The following ZNF415 variants were observed in gnomAD, a reference collection of about 807,000 sequenced individuals.
The protein encoded by ZNF415 is zinc finger protein 415.
In ZNF415, 5 loss-of-function variants were observed where a neutral mutation model predicts 7.3. The observed-to-expected ratio is 0.69, with a 90% CI of 0.36 to 1.44. The LOEUF is 1.44. Ranked by LOEUF, ZNF415 falls within the 40% of genes most tolerant of loss-of-function variation. ZNF415 has a pLI of 0.04. For missense variants in ZNF415, 628 were observed against 664.8 expected (o/e 0.94, Z 0.61); for synonymous variants, 207 against 226.3 (o/e 0.91, Z 0.77).
rs150603178 is a variant in ZNF415 at position 53,108,484 on chromosome 19, T to C, written c.1561A>G (p.Lys521Glu). The C allele has an allele frequency of 1.2e-6, 2 of 1,613,954 alleles. No individual in the cohort carries two copies. Among genetic ancestry groups the C allele is most frequent in the South Asian group, 2.2e-5 (2 of 91,060 alleles). The change falls in exon 4 of 4, where the codon AAG (lysine) becomes GAG (glutamate). Residue 521 changes from lysine to glutamate, a missense_variant. By Grantham distance (56) the Lys-to-Glu change is moderately conservative. Transcript: ENST00000243643. Reference sequence around the variant, plus strand: ...CAATCACTACATTTGTAAGGTTTCTTTCCAGTATGGATTATCTGATGTCTA... The same window carrying C: ...CAATCACTACATTTGTAAGGTTTCTCTCCAGTATGGATTATCTGATGTCTA... The part of the protein sequence containing the change: ...LTRHQIIHTG[K>E]KPYKCSDCGK...
At position 53,120,600 on chromosome 19, in the gene ZNF415, G is replaced by A. The variant is rs555500958; in HGVS notation, c.15+2062C>T. Among the ~76,000 whole-genome samples, 293 of 152,188 alleles carry A rather than the reference G, an allele frequency of 1.9e-3. 2 individuals carry two copies. Among genetic ancestry groups the A allele is most frequent in the African/African-American group, 6.7e-3 (277 of 41,538 alleles). On this transcript the variant is annotated intron_variant, in intron 2 of 3. Transcript: ENST00000243643. ...AAAACAAATATATACATCATGTGAT[G>A]TTTAAAATAAAAGCAGCATAATACT...
At chr19:53,122,083 T>C (rs199633609) in intron 2 of ZNF415, among the ~76,000 whole-genome samples, 1 of 151,648 alleles carries the variant, frequency 6.6e-6, no homozygotes, top group Non-Finnish European at 1.5e-5. Flanking sequence ...CCCGTCTCTA[T>C]TAAAAATACA....
chr19:53,128,832 A>G (rs2146668971), intron 1 of ZNF415, among the ~76,000 whole-genome samples: 1 of 108,334 alleles, frequency 9.2e-6, no homozygotes, highest in East Asian at 2.3e-4. Context: ...AGGAGTCTTC[A>G]GCCCAACCCC....
chr19:53,131,230 C>T (rs1187432759), intron 1 of ZNF415, among the ~76,000 whole-genome samples: 1 of 151,946 alleles, frequency 6.6e-6, no homozygotes. Context: ...CTTTCACTTT[C>T]TGCCCAGCTT....
At chr19:53,115,600 A>C in intron 3 of ZNF415, 1 of 869,008 alleles carries the variant, frequency 1.2e-6, no homozygotes, top group East Asian at 2.7e-5. Context: ...CTAAGAGCTC[A>C]CAGGATATAA....
chr19:53,130,388 T>C (rs941980443), intron 1 of ZNF415, among the ~76,000 whole-genome samples: 6 of 152,164 alleles, frequency 3.9e-5, no homozygotes, highest in Admixed American at 2.0e-4. Context: ...CTGGACACAA[T>C]TAATTTCAAA....
chr19:53,120,468 T>C (rs986954786), intron 2 of ZNF415, among the ~76,000 whole-genome samples: 1 of 152,178 alleles, frequency 6.6e-6, no homozygotes. Flanking sequence ...CTCACAGAAC[T>C]GACAATAGTG....
In ZNF415 at chr19:53,109,138, A is replaced by T; in HGVS notation, c.907T>A (p.Tyr303Asn). The T allele has an allele frequency of 6.2e-7, 1 of 1,613,600 alleles. No homozygotes were observed. Among genetic ancestry groups the T allele is most frequent in the Non-Finnish European group, 8.5e-7 (1 of 1,179,896 alleles). Residue 303 changes from tyrosine (Y) to asparagine (N), a missense_variant, in exon 4 of 4, where the codon TAT becomes AAT. By Grantham distance (143) the Tyr-to-Asn change is moderately radical. Transcript: ENST00000243643. ...CGACTGAAGACCTTGTCACACTCAT[A>T]ACATTTGTAAGGTTTCTCTCCAGTG... ...VHTGEKPYKC[Y>N]ECDKVFSRNS... is the part of the protein sequence containing the mutation.
chr19:53,110,041 T>C, intron 3 of ZNF415, 133 bp from the exon 4 acceptor site: 1 of 686,184 alleles, frequency 1.5e-6, no homozygotes, highest in East Asian at 3.1e-5. Flanking sequence ...ATCATGATCT[T>C]TAATTTTTAC....
intron 2 of ZNF415, 90 bp from the exon 3 acceptor site, chr19:53,116,523 T>G (rs544230741): frequency 2.5e-5 from 38 of 1,538,764 alleles, no homozygotes; most frequent in Middle Eastern, 3.4e-4. Flanking sequence ...AGAATTTAAG[T>G]ATAGATTTAA....
chr19:53,117,909 C>T (rs2146385829), intron 2 of ZNF415, among the ~76,000 whole-genome samples: 1 of 152,226 alleles, frequency 6.6e-6, no homozygotes, highest in Middle Eastern at 3.4e-3. Context: ...AGCAAACATA[C>T]AAAACAACCA....
chr19:53,109,595 CAG>C lies in ZNF415; in HGVS notation c.448_449del (p.Leu150AlafsTer6). The C allele has an allele frequency of 6.2e-7, 1 of 1,614,118 alleles. No homozygotes were observed. Among genetic ancestry groups the C allele is most frequent in the Non-Finnish European group, 8.5e-7 (1 of 1,180,012 alleles). ...GLSFLPHPHE[L>X]QQFQAEGKIY... ...TTTTCCCTTCAGCTTGAAACTGCTG[CAG>C]TTCATGGGGATGTGGTAGAAAGCTT... On this transcript the variant is annotated frameshift_variant, in exon 4 of 4. Coordinates refer to ENST00000243643, the MANE Select transcript of ZNF415 (RefSeq NM_018355.4). LOFTEE classifies it low-confidence loss of function (END_TRUNC).
intron 1 of ZNF415, chr19:53,123,795 T>G: frequency 2.6e-6 from 1 of 383,094 alleles, no homozygotes; most frequent in Non-Finnish European, 4.6e-6. Context: ...CCACTTACAA[T>G]GTAAAATCTT....
chr19:53,128,850 G>A (rs1302370622), intron 1 of ZNF415, among the ~76,000 whole-genome samples: 1 of 111,192 alleles, frequency 9.0e-6, no homozygotes, highest in Admixed American at 9.2e-5. Flanking sequence ...CCCAGCCCCA[G>A]CATCTGAACC....
At chr19:53,126,276 T>C (rs1214622431) in intron 1 of ZNF415, among the ~76,000 whole-genome samples, 1 of 151,022 alleles carries the variant, frequency 6.6e-6, no homozygotes, top group Non-Finnish European at 1.5e-5. Context: ...CAAGCGCAAG[T>C]CCACCCAGAA....
In ZNF415 at chr19:53,116,403, A is replaced by T; in HGVS notation, c.46T>A (p.Ser16Thr). The T allele has an allele frequency of 6.2e-7, 1 of 1,614,178 alleles. No homozygotes were observed. Among genetic ancestry groups the T allele is most frequent in the Non-Finnish European group, 8.5e-7 (1 of 1,180,006 alleles). Reference sequence around the variant, plus strand: ...TTCAGGCATTTCCACTCATCTTGAGAGAATTCGATGGCCACGTCCCTGAAT... The same window carrying T: ...TTCAGGCATTTCCACTCATCTTGAGTGAATTCGATGGCCACGTCCCTGAAT... ...LTFRDVAIEF[S>T]QDEWKCLNST... The change falls in exon 3 of 4, where the codon TCT (serine) becomes ACT (threonine). Residue 16 changes from serine (S) to threonine (T), a missense_variant. Ser to Thr is a moderately conservative substitution (Grantham distance 58, BLOSUM62 1). Transcript: ENST00000243643.
intron 2 of ZNF415, among the ~76,000 whole-genome samples, chr19:53,118,009 T>C (rs1303097622): frequency 1.3e-5 from 2 of 152,230 alleles, no homozygotes; most frequent in Middle Eastern, 3.4e-3. Context: ...ATAAAAGATA[T>C]AGACTGGCTA....
rs544409164 is a variant in ZNF415 at position 53,111,953 on chromosome 19, A to T, written c.137-2045T>A. On this transcript the variant is annotated intron_variant, in intron 3 of 3. Coordinates refer to ENST00000243643, the MANE Select transcript of ZNF415 (RefSeq NM_018355.4). The stretch of plus-strand genomic sequence containing the variant: ...CAGGCTCAGACTTTTTTTTATTTTT[A>T]TTTTTGGAGACACAGTCTCGCTCTT... Among the ~76,000 whole-genome samples, 7 of 151,932 alleles carry T rather than the reference A, an allele frequency of 4.6e-5. No individual in the cohort carries two copies. The East Asian group carries it at 1.4e-3, about 30-fold the overall frequency.
chr19:53,116,928 C>A (rs1433437428), intron 2 of ZNF415, among the ~76,000 whole-genome samples: 1 of 151,992 alleles, frequency 6.6e-6, no homozygotes, highest in African/African-American at 2.4e-5. Context: ...GGGCAGGCAC[C>A]ATAAGGTGAC....
Sources: gnomAD v4.1 joint callset for allele counts (sites outside exome capture counted in the v4.1 genomes callset) on GRCh38, gnomAD v4.1.1 for gene constraint, MANE v1.5 for transcripts, NCBI Gene and HGNC (gene_info 2026-07-23, HGNC 2026-07-21) for gene names.